The following ABHD2 variants were observed in gnomAD, a reference collection of about 807,000 sequenced individuals.
ABHD2 encodes monoacylglycerol lipase ABHD2.
Under a neutral mutation model 48.1 loss-of-function variants are expected in ABHD2, and 20 were observed. The ratio of observed to expected loss-of-function variants is 0.42; its 90% CI spans 0.29 to 0.60. ABHD2 has a LOEUF of 0.60. Ranked by LOEUF, ABHD2 falls within the 20% of genes least tolerant of loss-of-function variation. The pLI is 0.24. For synonymous variants in ABHD2, 209 were observed against 214.2 expected (o/e 0.98, Z 0.21); for missense variants, 405 against 550.9 (o/e 0.74, Z 2.65).
intron 3 of ABHD2, among the ~76,000 whole-genome samples, chr15:89,147,340 T>C (rs2050508922): frequency 6.7e-6 from 1 of 150,086 alleles, no homozygotes; most frequent in Admixed American, 6.8e-5. Context: ...TAATTGGGTA[T>C]TGCATAGCTC....
intron 1 of ABHD2, among the ~76,000 whole-genome samples, chr15:89,111,747 C>T (rs28706763): frequency 0.043 from 6,569 of 152,290 alleles, 465 homozygotes; most frequent in African/African-American, 0.15. Context: ...CAGTCTTATA[C>T]ATTTCCATAT....
the ABHD2 span, among the ~76,000 whole-genome samples, chr15:89,056,145 G>A: frequency 2.0e-5 from 3 of 152,240 alleles, no homozygotes; most frequent in Non-Finnish European, 2.9e-5. Context: ...GAGCTGCCAC[G>A]CCTAGCCTGA....
chr15:89,166,853 G>A lies in ABHD2; in HGVS notation c.539-8959G>A, dbSNP rs1259810770. Among the ~76,000 whole-genome samples, 3 of 152,112 alleles carry A rather than the reference G, an allele frequency of 2.0e-5. No homozygotes were observed. The highest frequency in any genetic ancestry group is 7.2e-5 in the African/African-American group (3 of 41,416). The stretch of plus-strand genomic sequence containing the variant: ...CAATCTTTTGGAACCTCAAGGTAAG[G>A]TCAGAAAACTTGGTCTTGCTTAGAG... On this transcript the variant is annotated intron_variant, in intron 5 of 10. Transcript: ENST00000352732. The surrounding 1 kb of genome is among the most constrained non-coding windows in gnomAD (Gnocchi z 4.6).
At chr15:89,183,387 ATATAT>A (rs1567109341) in intron 6 of ABHD2, 9 of 76,172 alleles carry the variant, frequency 1.2e-4, no homozygotes, top group Non-Finnish European at 1.9e-4. Flanking sequence ...AAAAAAAAAT[ATATAT>A]ATATATATAT....
chr15:89,123,832 A>T (rs1420438714), intron 3 of ABHD2, among the ~76,000 whole-genome samples: 1 of 151,536 alleles, frequency 6.6e-6, no homozygotes, highest in Admixed American at 6.6e-5. Flanking sequence ...CTGGTCTTAA[A>T]CCCCTGGGCT....
chr15:89,068,235 G>A, the ABHD2 span, among the ~76,000 whole-genome samples: 1 of 151,812 alleles, frequency 6.6e-6, no homozygotes, highest in Non-Finnish European at 1.5e-5. Context: ...CTCTGTGTGT[G>A]TGCATGTATA....
chr15:89,189,083 C>T lies in ABHD2; in HGVS notation c.926+780C>T, dbSNP rs1265578355. Among the ~76,000 whole-genome samples the T allele has an allele frequency of 1.3e-5, 2 of 152,158 alleles. No homozygotes were observed. The highest frequency in any genetic ancestry group is 4.8e-5 in the African/African-American group (2 of 41,432). ...CTGAGGTTGCAGCCTTGACAGTGGCCTCTTTCCTGGTTCCAGTAGTTTCTG... is the reference window on the plus strand; with the variant it reads ...CTGAGGTTGCAGCCTTGACAGTGGCTTCTTTCCTGGTTCCAGTAGTTTCTG... On this transcript the variant is annotated intron_variant, in intron 8 of 10. Transcript: ENST00000352732. The surrounding 1 kb of genome is among the most constrained non-coding windows in gnomAD (Gnocchi z 4.9).
At chr15:89,086,037 G>GT (rs1044840567), upstream of ABHD2, among the ~76,000 whole-genome samples, 132 of 147,638 alleles carry the variant, frequency 8.9e-4, no homozygotes, top group East Asian at 4.1e-3. Flanking sequence ...AATCTTTTTT[G>GT]TTTTTTTTTT....
At chr15:89,101,023 G>T (rs546529740) in intron 1 of ABHD2, among the ~76,000 whole-genome samples, 23 of 152,210 alleles carry the variant, frequency 1.5e-4, no homozygotes, top group Non-Finnish European at 2.5e-4. Flanking sequence ...ATTTTGGAGA[G>T]AATAGCAGAA....
chr15:89,058,253 G>A, the ABHD2 span, among the ~76,000 whole-genome samples: 1 of 152,112 alleles, frequency 6.6e-6, no homozygotes, highest in East Asian at 1.9e-4. Flanking sequence ...CAGATCGTGA[G>A]GAGCCTCACA....
Position 89,176,435 on chromosome 15 carries a change from A to T in ABHD2, c.722+440A>T, listed in dbSNP as rs537136235. Among the ~76,000 whole-genome samples, 79 of 152,158 alleles carry T rather than the reference A, an allele frequency of 5.2e-4. 1 individual carries two copies. In the South Asian group the frequency reaches 0.016, roughly 30 times the overall value. On this transcript the variant is annotated intron_variant, in intron 6 of 10. Transcript: ENST00000352732. This position sits in a 1 kb window ranked among gnomAD's most constrained non-coding sequence, Gnocchi z 4.5. ...GAGTCCCAGATGGCATCTGGAAGGGATCTGTAGAAATCATTTAATCAGTGT... is the reference window on the plus strand; with the variant it reads ...GAGTCCCAGATGGCATCTGGAAGGGTTCTGTAGAAATCATTTAATCAGTGT...
chr15:89,193,295 C>G lies in ABHD2; in HGVS notation c.1057C>G (p.Leu353Val). 1 of 1,614,222 alleles carries G rather than the reference C, an allele frequency of 6.2e-7. No individual in the cohort carries two copies. The highest frequency in any genetic ancestry group is 2.2e-5 in the East Asian group (1 of 44,886). ...ADDPLVHESL[L>V]TIPKSLSEKR... ...CGATCCGTTGGTGCATGAAAGTCTT[C>G]TAACCATTCCAAAATCTCTTTCAGG... The change falls in exon 10 of 11, where the codon CTA becomes GTA. Residue 353 changes from leucine to valine, a missense_variant. Coordinates refer to ENST00000352732, the MANE Select transcript of ABHD2 (RefSeq NM_152924.5).
chr15:89,143,930 T>G (rs1161173671), intron 3 of ABHD2, among the ~76,000 whole-genome samples: 1 of 152,002 alleles, frequency 6.6e-6, no homozygotes, highest in Admixed American at 6.6e-5. Context: ...TGTTCCTGAT[T>G]GGGAATATAA....
At chr15:89,095,268 A>G (rs2049595144) in intron 1 of ABHD2, among the ~76,000 whole-genome samples, 1 of 152,170 alleles carries the variant, frequency 6.6e-6, no homozygotes, top group Non-Finnish European at 1.5e-5. Flanking sequence ...TTCCTTAAAC[A>G]ATGCTCGTTA....
chr15:89,191,627 CTTT>C (rs57919032), intron 9 of ABHD2, among the ~76,000 whole-genome samples: 4 of 121,726 alleles, frequency 3.3e-5, no homozygotes, highest in Non-Finnish European at 3.5e-5. Context: ...CTATTTTTTT[CTTT>C]TTTTTTTTTT....
In ABHD2 at chr15:89,184,347, C is replaced by T. The variant is rs1359438488; in HGVS notation, c.723-1077C>T. On this transcript the variant is annotated intron_variant, in intron 6 of 10. Transcript: ENST00000352732. This position sits in a 1 kb window ranked among gnomAD's most constrained non-coding sequence, Gnocchi z 5.1. Reference sequence around the variant, plus strand: ...AATAATAAAAAACAAAACAAAAAACCTTACAAACCACCTGGTCCCCTCACT... The same window carrying T: ...AATAATAAAAAACAAAACAAAAAACTTTACAAACCACCTGGTCCCCTCACT... Among the ~76,000 whole-genome samples, 2 of 152,042 alleles carry T rather than the reference C, an allele frequency of 1.3e-5. No homozygotes were observed. Among genetic ancestry groups the T allele is most frequent in the African/African-American group, 4.8e-5 (2 of 41,394 alleles).
At chr15:89,065,720 A>G in the ABHD2 span, among the ~76,000 whole-genome samples, 1,933 of 152,110 alleles carry the variant, frequency 0.013, 29 homozygotes, top group Non-Finnish European at 0.021. Flanking sequence ...GTCTATACAG[A>G]CTCTAGCTTT....
In ABHD2 at chr15:89,188,442, T is replaced by A; in HGVS notation, c.926+139T>A. The A allele has an allele frequency of 1.6e-6, 1 of 634,250 alleles. No homozygotes were observed. The highest frequency in any genetic ancestry group is 2.7e-6 in the Non-Finnish European group (1 of 370,212). The allele number at this position is 634,250 out of a possible 1,614,324, so 39.3% of individuals were successfully genotyped here. ...GTTTTTTTCCCTTTAAGTAAGTGTCTAGTGCTTAAAAACAGAAGATTTCAC... is the reference window on the plus strand; with the variant it reads ...GTTTTTTTCCCTTTAAGTAAGTGTCAAGTGCTTAAAAACAGAAGATTTCAC... On this transcript the variant is annotated intron_variant, in intron 8 of 10. Transcript: ENST00000352732. This position sits in a 1 kb window ranked among gnomAD's most constrained non-coding sequence, Gnocchi z 4.1.
upstream of ABHD2, among the ~76,000 whole-genome samples, chr15:89,083,485 C>T (rs527366788): frequency 3.3e-5 from 5 of 152,254 alleles, no homozygotes; most frequent in African/African-American, 4.8e-5. This position sits in a 1 kb window ranked among gnomAD's most constrained non-coding sequence, Gnocchi z 5.1. Context: ...TGTGTGCGCG[C>T]GTGCACGTGC....
Sources: allele counts gnomAD v4.1 joint callset (sites outside exome capture counted in the v4.1 genomes callset), GRCh38; gene constraint gnomAD v4.1.1; non-coding constraint Gnocchi (gnomAD v3.1); transcripts MANE v1.5; gene names NCBI Gene and HGNC (gene_info 2026-07-23, HGNC 2026-07-21).